MTMR3: variants seen among roughly 807,000 people sequenced by gnomAD.
The protein encoded by MTMR3 is myotubularin related protein 3.
Under a neutral mutation model 132.4 loss-of-function variants are expected in MTMR3, and 32 were observed. That is an observed-to-expected ratio of 0.24 (90% confidence interval 0.18 to 0.32). The LOEUF (loss-of-function observed/expected upper bound fraction) is 0.32, where lower values mean the gene tolerates loss of function less well. Ranked by LOEUF, MTMR3 falls within the 10% of genes least tolerant of loss-of-function variation. MTMR3 has a pLI of 1.00. For missense variants in MTMR3, 1,216 were observed against 1,489.6 expected (o/e 0.82, Z 3.02); for synonymous variants, 556 against 550.3 (o/e 1.01, Z -0.14).
intron 1 of MTMR3, chr22:29,899,761 A>G (rs2064969694): frequency 6.6e-6 from 1 of 152,216 alleles, no homozygotes; most frequent in Non-Finnish European, 1.5e-5. Context: ...AATAATGGTT[A>G]TCTTTGGTGG....
At chr22:29,889,638 CCATCTG>C (rs2064753664) in intron 1 of MTMR3, among the ~76,000 whole-genome samples, 1 of 151,674 alleles carries the variant, frequency 6.6e-6, no homozygotes, top group South Asian at 2.1e-4. Flanking sequence ...ACCTGTAATC[CCATCTG>C]GATGTAATGT....
chr22:29,897,752 T>TGC (rs2064930970), intron 1 of MTMR3, among the ~76,000 whole-genome samples: 1 of 152,148 alleles, frequency 6.6e-6, no homozygotes, highest in Non-Finnish European at 1.5e-5. Flanking sequence ...GCCTGGCCTG[T>TGC]ATTTGCTTTT....
intron 1 of MTMR3, among the ~76,000 whole-genome samples, chr22:29,923,679 C>T (rs1477723452): frequency 6.6e-6 from 1 of 152,190 alleles, no homozygotes; most frequent in Non-Finnish European, 1.5e-5. Flanking sequence ...TGATGGCTCT[C>T]TTCCTAGAGT....
intron 1 of MTMR3, among the ~76,000 whole-genome samples, chr22:29,948,104 TTCACATAGCC>T (rs1244022546): frequency 6.6e-6 from 1 of 152,254 alleles, no homozygotes; most frequent in African/African-American, 2.4e-5. Context: ...TTATTTTCAT[TTCACATAGCC>T]TCTAGTATTT....
intron 1 of MTMR3, among the ~76,000 whole-genome samples, chr22:29,906,435 TCTC>T (rs547338514): frequency 1.3e-5 from 2 of 151,998 alleles, no homozygotes; most frequent in East Asian, 3.9e-4. Flanking sequence ...TTCAAGCAAT[TCTC>T]CTGCCTCAGC....
At chr22:29,921,435 T>C (rs1248080097) in intron 1 of MTMR3, among the ~76,000 whole-genome samples, 1 of 152,206 alleles carries the variant, frequency 6.6e-6, no homozygotes, top group Admixed American at 6.5e-5. Flanking sequence ...CCATGAGATT[T>C]GGAGGGGACA....
chr22:29,921,668 A>C (rs2065416350), intron 1 of MTMR3, among the ~76,000 whole-genome samples: 1 of 152,106 alleles, frequency 6.6e-6, no homozygotes, highest in Non-Finnish European at 1.5e-5. Flanking sequence ...TACTTACTAA[A>C]CACTAACTCC....
intron 5 of MTMR3, 194 bp from the exon 6 acceptor site, chr22:29,988,286 G>A (rs2066895957): frequency 2.6e-6 from 1 of 383,504 alleles, no homozygotes. Flanking sequence ...TGAGACCACT[G>A]ATTTAGAGAT....
intron 3 of MTMR3, among the ~76,000 whole-genome samples, chr22:29,977,165 G>A (rs563021229): frequency 6.6e-6 from 1 of 152,158 alleles, no homozygotes; most frequent in Non-Finnish European, 1.5e-5. Context: ...GGTGGTGGGC[G>A]CCTGTGGTCC....
At chr22:29,918,862 T>TA (rs1271600969) in intron 1 of MTMR3, among the ~76,000 whole-genome samples, 2 of 152,246 alleles carry the variant, frequency 1.3e-5, no homozygotes, top group Non-Finnish European at 2.9e-5. Flanking sequence ...CCTTTAAGAA[T>TA]ACAAAGAAAG....
chr22:29,892,080 G>A (rs2064810703), intron 1 of MTMR3, among the ~76,000 whole-genome samples: 1 of 151,928 alleles, frequency 6.6e-6, no homozygotes, highest in Non-Finnish European at 1.5e-5. Flanking sequence ...TTGAACCCAG[G>A]AGGCGGAGGT....
chr22:30,023,920 T>C (rs1002528450), intron 19 of MTMR3: 2 of 159,816 alleles, frequency 1.3e-5, no homozygotes, highest in South Asian at 3.5e-4. Context: ...AGGTGATCTT[T>C]CCAGAGAATT....
intron 1 of MTMR3, among the ~76,000 whole-genome samples, chr22:29,906,100 C>T (rs1050060918): frequency 1.3e-5 from 2 of 152,070 alleles, no homozygotes; most frequent in Admixed American, 6.6e-5. Context: ...AAGCAGTCCT[C>T]CTGTGTCAGC....
chr22:29,982,273 T>C (rs1020381825), intron 5 of MTMR3: 13 of 80,352 alleles, frequency 1.6e-4, no homozygotes, highest in African/African-American at 6.1e-4. Context: ...AACTCCTCCA[T>C]AAAAATAAAT....
intron 7 of MTMR3, 161 bp from the exon 8 acceptor site, chr22:29,998,600 A>G (rs1009550522): frequency 8.7e-6 from 3 of 343,842 alleles, no homozygotes; most frequent in Non-Finnish European, 1.6e-5. Context: ...CTGAGATCAC[A>G]CCACTGCACT....
chr22:30,001,453 T>G (rs1449121510), intron 8 of MTMR3: 1 of 152,202 alleles, frequency 6.6e-6, no homozygotes, highest in Admixed American at 6.5e-5. Flanking sequence ...CTGGGGAGGC[T>G]GAAGTAGAAG....
At chr22:29,917,179 A>G (rs1367496353) in intron 1 of MTMR3, among the ~76,000 whole-genome samples, 1 of 152,244 alleles carries the variant, frequency 6.6e-6, no homozygotes, top group Non-Finnish European at 1.5e-5. Flanking sequence ...GGGAGGGATT[A>G]AATTTTCATA....
chr22:29,947,478 G>GTTAAT (rs759978639), intron 1 of MTMR3, among the ~76,000 whole-genome samples: 11 of 148,728 alleles, frequency 7.4e-5, no homozygotes, highest in Non-Finnish European at 1.6e-4. Flanking sequence ...TATGACAAAA[G>GTTAAT]TTAATTTAGC....
chr22:29,949,509 CA>C lies in MTMR3; in HGVS notation c.-137-7515del, dbSNP rs60108937. Among the ~76,000 whole-genome samples, 1,094 of 124,554 alleles carry C rather than the reference CA, an allele frequency of 8.8e-3. 34 individuals are homozygous for C. The highest frequency in any genetic ancestry group is 0.042 in the East Asian group (165 of 3,948). 81.7% of individuals were successfully genotyped at this position (124,554 alleles called of 152,430 possible). A position where few individuals can be genotyped will look rare whatever the true frequency, so the allele number is the denominator to read the frequency against. ...AGACTCTGTCCCCCGCGCCCCCCCC[CA>C]AAAAAAAAAAACAACACACGTACAC... On this transcript the variant is annotated intron_variant, in intron 1 of 19. Coordinates refer to ENST00000401950, the MANE Select transcript of MTMR3 (RefSeq NM_021090.4).
Sources: allele counts gnomAD v4.1 joint callset (sites outside exome capture counted in the v4.1 genomes callset), GRCh38; gene constraint gnomAD v4.1.1; transcripts MANE v1.5; gene names NCBI Gene and HGNC (gene_info 2026-07-23, HGNC 2026-07-21).